The following TJAP1 variants were observed in gnomAD, a reference collection of about 807,000 sequenced individuals.
TJAP1 encodes the protein tight junction associated protein 1.
A neutral mutation model predicts 42.0 loss-of-function variants in TJAP1; 27 were observed. That is an observed-to-expected ratio of 0.64 (90% CI 0.47 to 0.89). The LOEUF is 0.89. TJAP1 is among the 40% of genes least tolerant of loss of function. TJAP1 has a pLI of 0.00. For missense variants in TJAP1, 712 were observed against 726.9 expected (o/e 0.98, Z 0.24); for synonymous variants, 257 against 288.4 (o/e 0.89, Z 1.10).
rs1014609166 is a variant in TJAP1, at chr6:43,491,732, GTTGA to G, written c.-121-6146_-121-6143del. 6.1e-4 allele frequency among the ~76,000 whole-genome samples: 93 copies of G among 152,346 alleles called. No homozygotes were observed. Among genetic ancestry groups the G allele is most frequent in the African/African-American group, 2.1e-3 (87 of 41,572 alleles). On this transcript the variant is annotated intron_variant, in intron 2 of 10. Transcript: ENST00000372449. The surrounding 1 kb of genome is among the most constrained non-coding windows in gnomAD (Gnocchi z 4.6). ...GATTAATAATAGTGAATGTATGATAGTTGATTAAGGAATAAACAATACCTATTTA... is the reference window on the plus strand; with the variant it reads ...GATTAATAATAGTGAATGTATGATAGTTAAGGAATAAACAATACCTATTTA...
intron 7 of TJAP1, 38 bp from the exon 8 acceptor site, chr6:43,502,550 C>G (rs1403390247): frequency 2.6e-6 from 4 of 1,551,602 alleles, no homozygotes; most frequent in East Asian, 4.9e-5. Context: ...TCGTCTCCCC[C>G]TCATGCTGCC....
chr6:43,500,600 C>T (rs961196218), intron 4 of TJAP1, 144 bp from the exon 5 acceptor site: 2 of 812,938 alleles, frequency 2.5e-6, no homozygotes, highest in East Asian at 2.5e-5. Flanking sequence ...GAATTGCTTC[C>T]ATCCGTAGAG....
rs368313350 is a variant in TJAP1 at position 43,491,566 on chromosome 6, A to G, written c.-121-6315A>G. On this transcript the variant is annotated intron_variant, in intron 2 of 10. Coordinates refer to ENST00000372449, the Ensembl canonical transcript of TJAP1. The surrounding 1 kb of genome is among the most constrained non-coding windows in gnomAD (Gnocchi z 4.6). The stretch of plus-strand genomic sequence containing the variant: ...TGGCCTCCCAAAGTGTTGGGATTAC[A>G]GGTATGAGCCACTGTGCCTGGCCCG... Among the ~76,000 whole-genome samples, 4 of 152,194 alleles carry G rather than the reference A, an allele frequency of 2.6e-5. No individual in the cohort carries two copies. Among genetic ancestry groups the G allele is most frequent in the African/African-American group, 9.7e-5 (4 of 41,442 alleles).
intron 2 of TJAP1, among the ~76,000 whole-genome samples, chr6:43,485,418 G>A (rs1786240657): frequency 6.6e-6 from 1 of 152,154 alleles, no homozygotes; most frequent in Non-Finnish European, 1.5e-5. Flanking sequence ...AGTCCTTAGA[G>A]CCCCAATTGC....
At chr6:43,504,984 A>G in exon 11 of TJAP1, 1 of 1,614,052 alleles carries the variant, frequency 6.2e-7, no homozygotes, top group Non-Finnish European at 8.5e-7. Context: ...GACATGAGTG[A>G]GGGTGTCCCA....
rs767085594 is a variant in TJAP1, at chr6:43,502,076, A to ACACACTCTCTCT, written c.291-206_291-205insACACTCTCTCTC. On this transcript the variant is annotated intron_variant, in intron 6 of 10. Transcript: ENST00000372449. The stretch of plus-strand genomic sequence containing the variant: ...CACACACACACACACACACACACAC[A>ACACACTCTCTCT]CTCTCTCTCTCTCTCTCTCTCTCTC... Among the ~76,000 whole-genome samples the ACACACTCTCTCT allele has an allele frequency of 2.6e-3, 180 of 68,952 alleles. 3 individuals are homozygous for ACACACTCTCTCT. The highest frequency in any genetic ancestry group is 4.6e-3 in the South Asian group (9 of 1,952). The allele number at this position is 68,952 out of a possible 152,430, so 45.2% of individuals were successfully genotyped here. A position where few individuals can be genotyped will look rare whatever the true frequency, so the allele number is the denominator to read the frequency against.
chr6:43,500,467 C>T, intron 4 of TJAP1: 1 of 471,800 alleles, frequency 2.1e-6, no homozygotes. Context: ...GGAGAGGTAG[C>T]TTGGGTGCCA....
intron 5 of TJAP1, 43 bp from the exon 6 acceptor site, chr6:43,501,483 T>C: frequency 1.3e-6 from 2 of 1,566,106 alleles, no homozygotes; most frequent in Non-Finnish European, 1.7e-6. Context: ...TGCCCTTCTA[T>C]CTCTCATACC....
chr6:43,502,925 C>G, intron 8 of TJAP1: 1 of 531,962 alleles, frequency 1.9e-6, no homozygotes, highest in Non-Finnish European at 3.4e-6. Flanking sequence ...GATCCAGTCC[C>G]TGAACTGGAG....
chr6:43,480,226 C>G (rs755723637), intron 2 of TJAP1, among the ~76,000 whole-genome samples: 1 of 152,190 alleles, frequency 6.6e-6, no homozygotes, highest in Non-Finnish European at 1.5e-5. Flanking sequence ...CATGGTTGAA[C>G]CTGCTGTCTC....
chr6:43,501,408 C>T (rs1790486266), intron 5 of TJAP1, 118 bp from the exon 6 acceptor site: 2 of 884,654 alleles, frequency 2.3e-6, no homozygotes, highest in African/African-American at 1.7e-5. Context: ...AGGAGTTTCC[C>T]TGTCCTGTTT....
At chr6:43,480,963 T>C (rs1785179223) in intron 2 of TJAP1, among the ~76,000 whole-genome samples, 1 of 152,236 alleles carries the variant, frequency 6.6e-6, no homozygotes, top group African/African-American at 2.4e-5. Flanking sequence ...CTAGGCATTC[T>C]AGCTTCAGCA....
chr6:43,497,952 CAG>C (rs1789587617), exon 3 of TJAP1: 1 of 152,268 alleles, frequency 6.6e-6, no homozygotes, highest in Admixed American at 6.5e-5. Flanking sequence ...GACAGCGGAA[CAG>C]AGAGAGCTGC....
At chr6:43,506,469 C>T (rs1792387714) in exon 11 of TJAP1, 1 of 152,708 alleles carries the variant, frequency 6.5e-6, no homozygotes, top group Non-Finnish European at 1.5e-5. Context: ...CACTCCCAAC[C>T]TTGGCTCTAG....
At chr6:43,488,713 G>A (rs1043031389) in intron 2 of TJAP1, among the ~76,000 whole-genome samples, 2 of 152,192 alleles carry the variant, frequency 1.3e-5, no homozygotes, top group Non-Finnish European at 2.9e-5. Flanking sequence ...GGATTCTGAA[G>A]GTCACCTGTC....
At chr6:43,482,849 C>T (rs1785588383) in intron 2 of TJAP1, among the ~76,000 whole-genome samples, 1 of 152,170 alleles carries the variant, frequency 6.6e-6, no homozygotes, top group Admixed American at 6.5e-5. Context: ...CCTGGCTGGG[C>T]GTGGTGGCTC....
chr6:43,499,453 C>G lies in TJAP1; in HGVS notation c.99+353C>G, dbSNP rs564335117. On this transcript the variant is annotated intron_variant, in intron 4 of 10. Coordinates refer to ENST00000372449, the Ensembl canonical transcript of TJAP1. ...TCCGTAGTGGAGTAGAGCCATTCAACCTGTGGCCCCTTTGGGGCATATCAG... is the reference window on the plus strand; with the variant it reads ...TCCGTAGTGGAGTAGAGCCATTCAAGCTGTGGCCCCTTTGGGGCATATCAG... Among the ~76,000 whole-genome samples, 50 of 152,382 alleles carry G rather than the reference C, an allele frequency of 3.3e-4. 1 individual carries two copies. The highest frequency in any genetic ancestry group is 1.1e-3 in the African/African-American group (46 of 41,588).
At chr6:43,483,395 C>T (rs1456414513) in intron 2 of TJAP1, among the ~76,000 whole-genome samples, 1 of 152,236 alleles carries the variant, frequency 6.6e-6, no homozygotes, top group Non-Finnish European at 1.5e-5. Flanking sequence ...TCACCTCTGC[C>T]TCTGAAACTG....
intron 2 of TJAP1, among the ~76,000 whole-genome samples, chr6:43,479,314 C>T (rs1000379983): frequency 6.6e-6 from 1 of 152,214 alleles, no homozygotes; most frequent in African/African-American, 2.4e-5. Context: ...AACAGAACAA[C>T]CCAAGTCACT....
Sources: gnomAD v4.1 joint callset for allele counts (sites outside exome capture counted in the v4.1 genomes callset) on GRCh38, gnomAD v4.1.1 for gene constraint, Gnocchi (gnomAD v3.1) non-coding constraint, MANE v1.5 for transcripts, NCBI Gene and HGNC (gene_info 2026-07-23, HGNC 2026-07-21) for gene names.